The following IGSF3 variants were observed in gnomAD, a reference collection of about 807,000 sequenced individuals.
The protein encoded by IGSF3 is immunoglobulin superfamily member 3, also known as glu-Trp-Ile EWI motif-containing protein 3.
IGSF3 carries 23 observed loss-of-function variants against 114.4 expected under a neutral mutation model. That is an observed-to-expected ratio of 0.20 (90% confidence interval 0.14 to 0.28). The LOEUF is 0.28. Among genes scored for constraint, IGSF3 ranks in the 10% least tolerant of loss-of-function variants. The pLI, the probability that IGSF3 is intolerant of heterozygous loss-of-function variation, is 1.00. For missense variants in IGSF3, 1,172 were observed against 1,591.5 expected, an observed-to-expected ratio of 0.74 and a Z score of 4.48; for synonymous variants, 571 against 645.2, an observed-to-expected ratio of 0.88 and a Z score of 1.74.
intron 9 of IGSF3, among the ~76,000 whole-genome samples, chr1:116,581,507 A>G (rs2101308890): frequency 6.6e-6 from 1 of 152,302 alleles, no homozygotes; most frequent in Admixed American, 6.5e-5. Context: ...AAATAGGAGC[A>G]CTTTCCAAGT....
chr1:116,604,776 C>A (rs1015988172), intron 5 of IGSF3, among the ~76,000 whole-genome samples: 1 of 152,204 alleles, frequency 6.6e-6, no homozygotes, highest in African/African-American at 2.4e-5. Flanking sequence ...GGATTCCACT[C>A]CCTTCCCTGT....
rs762584530 is a variant in IGSF3 at position 116,632,018 on chromosome 1, C to T, written c.44-15561G>A. 2.6e-4 allele frequency among the ~76,000 whole-genome samples: 40 copies of T among 152,214 alleles called. No homozygotes were observed. Among genetic ancestry groups the T allele is most frequent in the African/African-American group, 4.6e-4 (19 of 41,446 alleles). The stretch of plus-strand genomic sequence containing the variant: ...CGCCACAAAGTTCAAGACACAGAAA[C>T]GGTCACTGAGAGCAGAGCCTATTCC... On this transcript the variant is annotated intron_variant, in intron 2 of 10. Transcript: ENST00000369486. This position sits in a 1 kb window ranked among gnomAD's most constrained non-coding sequence, Gnocchi z 5.1.
Position 116,603,643 on chromosome 1 carries a change from G to A in IGSF3, c.1605C>T (p.Pro535=). ...QIVGERRAST[P]ISITALEMGF... ...ACTCACCAAGAGCTGTGATGGAGAT[G>A]GGAGTGCTGGCCCGGCGCTCCCCAA... The change falls in exon 6 of 11, where the codon CCC becomes CCT. Residue 535 remains proline, a synonymous_variant. Coordinates refer to ENST00000369486, the MANE Select transcript of IGSF3 (RefSeq NM_001007237.3). This position sits in a 1 kb window ranked among gnomAD's most constrained non-coding sequence, Gnocchi z 7.1. The A allele has an allele frequency of 6.2e-7, 1 of 1,613,688 alleles. No individual in the cohort carries two copies. Among genetic ancestry groups the A allele is most frequent in the Non-Finnish European group, 8.5e-7 (1 of 1,179,720 alleles).
rs1031936933 is a variant in IGSF3, at chr1:116,625,211, T to G, written c.44-8754A>C. ...AGATTGATAAGACATAGTTGACAAG[T>G]TGTCCTAAGCTGACAATCCTAAAAT... On this transcript the variant is annotated intron_variant, in intron 2 of 10. Transcript: ENST00000369486. The surrounding 1 kb of genome is among the most constrained non-coding windows in gnomAD (Gnocchi z 4.7). 6.6e-6 allele frequency among the ~76,000 whole-genome samples: 1 copy of G among 152,242 alleles called. No homozygotes were observed. Among genetic ancestry groups the G allele is most frequent in the African/African-American group, 2.4e-5 (1 of 41,472 alleles).
rs537572065 is a variant in IGSF3 at position 116,634,377 on chromosome 1, G to T, written c.44-17920C>A. Among the ~76,000 whole-genome samples the T allele has an allele frequency of 7.9e-5, 12 of 152,270 alleles. No homozygotes were observed. In the South Asian group the frequency reaches 2.1e-3, roughly 26 times the overall value. On this transcript the variant is annotated intron_variant, in intron 2 of 10. Transcript: ENST00000369486. The surrounding 1 kb of genome is among the most constrained non-coding windows in gnomAD (Gnocchi z 4.2). ...AGAGCCACGTGTTCCCATGGTCCTG[G>T]CCAACCCCACTTCTTTCCCATCCTC...
Position 116,632,369 on chromosome 1 carries a change from G to A in IGSF3, c.44-15912C>T, listed in dbSNP as rs1367551982. On this transcript the variant is annotated intron_variant, in intron 2 of 10. Transcript: ENST00000369486. This position sits in a 1 kb window ranked among gnomAD's most constrained non-coding sequence, Gnocchi z 5.1. ...TGGATCTGTGGGGGGAAGAAGGGGT[G>A]GGCGTGCTAGCATCTCTCAGCTAGA... is the stretch of plus-strand genomic sequence containing the variant. Among the ~76,000 whole-genome samples the A allele has an allele frequency of 2.0e-5, 3 of 152,276 alleles. No homozygotes were observed. Among genetic ancestry groups the A allele is most frequent in the South Asian group, 2.1e-4 (1 of 4,824 alleles).
At chr1:116,591,665 A>G (rs572237211) in intron 7 of IGSF3, among the ~76,000 whole-genome samples, 2 of 152,244 alleles carry the variant, frequency 1.3e-5, no homozygotes, top group East Asian at 3.9e-4. Flanking sequence ...CTCCTATTCT[A>G]TGCTCTGGAT....
chr1:116,611,037 C>G (rs189099361), intron 4 of IGSF3, among the ~76,000 whole-genome samples: 32 of 152,356 alleles, frequency 2.1e-4, no homozygotes, highest in Middle Eastern at 6.8e-3. Context: ...TTGGACCCCT[C>G]CTTCCACTTG....
At chr1:116,604,723 C>G (rs1195096290) in intron 5 of IGSF3, among the ~76,000 whole-genome samples, 3 of 152,318 alleles carry the variant, frequency 2.0e-5, no homozygotes, top group Non-Finnish European at 2.9e-5. Flanking sequence ...GGCTCCTTTG[C>G]TCTCTTTCTA....
In IGSF3 at chr1:116,584,664, AG is replaced by A; in HGVS notation, c.2828del (p.Ala943ValfsTer2). 1 of 1,614,228 alleles carries A rather than the reference AG, an allele frequency of 6.2e-7. No homozygotes were observed. The highest frequency in any genetic ancestry group is 2.2e-5 in the East Asian group (1 of 44,884). On this transcript the variant is annotated frameshift_variant, in exon 9 of 11. Transcript: ENST00000369486. LOFTEE classifies it high-confidence loss of function. This position sits in a 1 kb window ranked among gnomAD's most constrained non-coding sequence, Gnocchi z 5.8. ...KRAEDTAGQTALTVMRPDASL... is the reference protein window; with the variant it reads ...KRAEDTAGQTXLTVMRPDASL... ...CCTCACCTGGTCGCATGACTGTCAG[AG>A]CTGTCTGCCCAGCGGTGTCCTCTGC...
rs572319271 is a variant in IGSF3 at position 116,626,838 on chromosome 1, G to C, written c.44-10381C>G. Among the ~76,000 whole-genome samples, 21 of 152,262 alleles carry C rather than the reference G, an allele frequency of 1.4e-4. No individual in the cohort carries two copies. In the East Asian group the frequency reaches 4.1e-3, roughly 29 times the overall value. ...TCACTCTCATGCGAAAGACAGCACAGAAGCAGCATCCAAAAAGAAAGGCAG... is the reference window on the plus strand; with the variant it reads ...TCACTCTCATGCGAAAGACAGCACACAAGCAGCATCCAAAAAGAAAGGCAG... On this transcript the variant is annotated intron_variant, in intron 2 of 10. Coordinates refer to ENST00000369486, the MANE Select transcript of IGSF3 (RefSeq NM_001007237.3).
At position 116,661,036 on chromosome 1, in the gene IGSF3, T is replaced by C. The variant is rs574436865; in HGVS notation, c.43+5248A>G. ...GGCCAGGTGTGGTAGCTCACGCCTGTAATTTCAGCATTTTGGGAGGCCAAG... is the reference window on the plus strand; with the variant it reads ...GGCCAGGTGTGGTAGCTCACGCCTGCAATTTCAGCATTTTGGGAGGCCAAG... On this transcript the variant is annotated intron_variant, in intron 2 of 10. Coordinates refer to ENST00000369486, the MANE Select transcript of IGSF3 (RefSeq NM_001007237.3). The surrounding 1 kb of genome is among the most constrained non-coding windows in gnomAD (Gnocchi z 4.0). Among the ~76,000 whole-genome samples the C allele has an allele frequency of 6.6e-6, 1 of 152,298 alleles. No homozygotes were observed. Among genetic ancestry groups the C allele is most frequent in the Admixed American group, 6.5e-5 (1 of 15,296 alleles).
intron 2 of IGSF3, among the ~76,000 whole-genome samples, chr1:116,631,518 A>T (rs1647588858): frequency 6.6e-6 from 1 of 152,116 alleles, no homozygotes; most frequent in South Asian, 2.1e-4. Flanking sequence ...TGAGGACCCC[A>T]ACCAAATCAG....
rs531451276 is a variant in IGSF3, at chr1:116,615,910, T to C, written c.421+170A>G. On this transcript the variant is annotated intron_variant, in intron 3 of 10. Coordinates refer to ENST00000369486, the MANE Select transcript of IGSF3 (RefSeq NM_001007237.3). This position sits in a 1 kb window ranked among gnomAD's most constrained non-coding sequence, Gnocchi z 4.3. ...GTTTCACCCTCAACCACCTATTATT[T>C]AGAAGTGAACACAGAAATTTAGTTT... is the stretch of plus-strand genomic sequence containing the variant. Among the ~76,000 whole-genome samples, 3 of 152,250 alleles carry C rather than the reference T, an allele frequency of 2.0e-5. No individual in the cohort carries two copies. Among genetic ancestry groups the C allele is most frequent in the Non-Finnish European group, 4.4e-5 (3 of 68,040 alleles).
Position 116,584,980 on chromosome 1 carries a change from C to T in IGSF3, c.2513G>A (p.Cys838Tyr). The T allele has an allele frequency of 6.2e-7, 1 of 1,601,082 alleles. No homozygotes were observed. Among genetic ancestry groups the T allele is most frequent in the Non-Finnish European group, 8.5e-7 (1 of 1,170,564 alleles). ...TATGCTGGTGCGGTTGAGAACCACA[C>T]ACTCCAGCTGTACCTGCCGGGTCTC... ...VLETRQVQLE[C>Y]VVLNRTSITS... The change falls in exon 9 of 11, where the codon TGT (cysteine) becomes TAT (tyrosine). Residue 838 changes from cysteine (C) to tyrosine (Y), a missense_variant. Physicochemically the swap from Cys to Tyr is radical, Grantham distance 194 (BLOSUM62 -2). Around this residue, in one of 3 missense-constraint regions of IGSF3, gnomAD observed 423 missense variants for 509.8 expected, o/e 0.83. Transcript: ENST00000369486. The surrounding 1 kb of genome is among the most constrained non-coding windows in gnomAD (Gnocchi z 5.8).
At position 116,638,905 on chromosome 1, in the gene IGSF3, G is replaced by T. The variant is rs576934417; in HGVS notation, c.44-22448C>A. On this transcript the variant is annotated intron_variant, in intron 2 of 10. Coordinates refer to ENST00000369486, the MANE Select transcript of IGSF3 (RefSeq NM_001007237.3). This position sits in a 1 kb window ranked among gnomAD's most constrained non-coding sequence, Gnocchi z 4.1. ...AGGTTAAGTATCTGCCCAGGGTCAC[G>T]TGCAAAGTCTGCATGCATGCTGAAC... 2.0e-5 allele frequency among the ~76,000 whole-genome samples: 3 copies of T among 152,164 alleles called. No individual in the cohort carries two copies. The highest frequency in any genetic ancestry group is 7.2e-5 in the African/African-American group (3 of 41,426).
At position 116,614,261 on chromosome 1, in the gene IGSF3, G is replaced by A. The variant is rs776742773; in HGVS notation, c.422-86C>T. 1.6e-3 allele frequency: 1,750 copies of A among 1,092,970 alleles called. 34 individuals are homozygous for A. Among genetic ancestry groups the A allele is most frequent in the Middle Eastern group, 2.2e-3 (7 of 3,248 alleles). 67.7% of individuals were successfully genotyped at this position (1,092,970 alleles called of 1,614,324 possible). On this transcript the variant is annotated intron_variant, in intron 3 of 10. Transcript: ENST00000369486. This position sits in a 1 kb window ranked among gnomAD's most constrained non-coding sequence, Gnocchi z 4.5. ...GGCTAAGCTCCCATTCCACGCAGGC[G>A]TCACTGCACTGCGCCCCTAACAGTC... is the stretch of plus-strand genomic sequence containing the variant.
Position 116,643,907 on chromosome 1 carries a change from C to T in IGSF3, c.43+22377G>A, listed in dbSNP as rs558672916. Among the ~76,000 whole-genome samples, 8 of 152,328 alleles carry T rather than the reference C, an allele frequency of 5.3e-5. No individual in the cohort carries two copies. In the South Asian group the frequency reaches 1.7e-3, roughly 32 times the overall value. ...AGCTTCCAGTTGCAAGGTCAGGACT[C>T]TTCAGCCCAGCAGGCGAGTTTGCCA... is the stretch of plus-strand genomic sequence containing the variant. On this transcript the variant is annotated intron_variant, in intron 2 of 10. Transcript: ENST00000369486.
rs1660832793 is a variant in IGSF3 at position 116,607,427 on chromosome 1, C to G, written c.1222+515G>C. The stretch of plus-strand genomic sequence containing the variant: ...CCGACTTTTAGAAACACAATTTCAA[C>G]AGGGAAAAGCCATTTAGGGAAATGC... On this transcript the variant is annotated intron_variant, in intron 5 of 10. Transcript: ENST00000369486. The surrounding 1 kb of genome is among the most constrained non-coding windows in gnomAD (Gnocchi z 6.1). Among the ~76,000 whole-genome samples the G allele has an allele frequency of 6.6e-6, 1 of 152,208 alleles. No homozygotes were observed. Among genetic ancestry groups the G allele is most frequent in the Non-Finnish European group, 1.5e-5 (1 of 68,050 alleles).
Sources: gnomAD v4.1 joint callset for allele counts (sites outside exome capture counted in the v4.1 genomes callset) on GRCh38, gnomAD v4.1.1 for gene constraint, gnomAD v4.1.1 regional missense constraint, Gnocchi (gnomAD v3.1) non-coding constraint, MANE v1.5 for transcripts, NCBI Gene and HGNC (gene_info 2026-07-23, HGNC 2026-07-21) for gene names.